LHFPL7: variants seen among roughly 807,000 people sequenced by gnomAD.
LHFPL7 encodes the protein LHFPL tetraspan subfamily member 7.
chr22:24,940,554 CCACTG>C, the LHFPL7 span, among the ~76,000 whole-genome samples: 1 of 151,498 alleles, frequency 6.6e-6, no homozygotes, highest in South Asian at 2.1e-4. Flanking sequence ...CGAGATCGCA[CCACTG>C]CACTCCAGCC....
chr22:24,941,979 T>TTTTATTTATTTATTTATTTATTTA, the LHFPL7 span, among the ~76,000 whole-genome samples: 11 of 145,974 alleles, frequency 7.5e-5, no homozygotes, highest in African/African-American at 2.3e-4. Context: ...TTCAAATGTA[T>TTTTATTTATTTATTTATTTATTTA]TTTATTTATT....
the LHFPL7 span, chr22:24,935,122 A>G: frequency 1.7e-6 from 1 of 605,260 alleles, no homozygotes; most frequent in East Asian, 3.0e-5. Flanking sequence ...CTTTATTTAC[A>G]CAGAGCATCT....
chr22:24,938,579 G>A, the LHFPL7 span, among the ~76,000 whole-genome samples: 1 of 152,204 alleles, frequency 6.6e-6, no homozygotes, highest in Non-Finnish European at 1.5e-5. Flanking sequence ...GTAATTAAGT[G>A]GTAGAGCCAG....
At chr22:24,940,812 G>A in the LHFPL7 span, among the ~76,000 whole-genome samples, 1 of 142,058 alleles carries the variant, frequency 7.0e-6, no homozygotes, top group African/African-American at 2.5e-5. Flanking sequence ...AGAGAAAAAA[G>A]GTTGGAGTGC....
the LHFPL7 span, among the ~76,000 whole-genome samples, chr22:24,939,091 G>C: frequency 3.9e-5 from 6 of 152,362 alleles, no homozygotes; most frequent in East Asian, 9.6e-4. Context: ...CGCCTACAGA[G>C]ACAGGGGCTC....
At chr22:24,943,809 A>G in the LHFPL7 span, among the ~76,000 whole-genome samples, 1 of 152,194 alleles carries the variant, frequency 6.6e-6, no homozygotes, top group Non-Finnish European at 1.5e-5. Flanking sequence ...GGATGATTCC[A>G]GAGAAGCCAT....
chr22:24,942,892 AGTGTG>A, the LHFPL7 span, among the ~76,000 whole-genome samples: 1 of 128,052 alleles, frequency 7.8e-6, no homozygotes, highest in Admixed American at 8.0e-5. Flanking sequence ...AAGGGGATAA[AGTGTG>A]TGTGTGTGTG....
chr22:24,936,708 G>A, the LHFPL7 span, among the ~76,000 whole-genome samples: 1 of 152,210 alleles, frequency 6.6e-6, no homozygotes, highest in East Asian at 1.9e-4. Flanking sequence ...CCCATTACCA[G>A]AAATGCCCTT....
the LHFPL7 span, chr22:24,938,070 C>CTCCATTCAT: frequency 1.3e-4 from 194 of 1,498,682 alleles, 1 homozygote; most frequent in African/African-American, 2.5e-3. Flanking sequence ...TGCTCACAGA[C>CTCCATTCAT]TCATTCATTC....
At chr22:24,942,057 A>G in the LHFPL7 span, among the ~76,000 whole-genome samples, 10,308 of 151,896 alleles carry the variant, frequency 0.068, 920 homozygotes, top group African/African-American at 0.2. Flanking sequence ...GTGCAGTGGC[A>G]CGATCTCCAT....
the LHFPL7 span, among the ~76,000 whole-genome samples, chr22:24,942,892 A>AGAGTGT: frequency 3.1e-5 from 4 of 128,052 alleles, no homozygotes; most frequent in African/African-American, 1.2e-4. Flanking sequence ...AAGGGGATAA[A>AGAGTGT]GTGTGTGTGT....
At chr22:24,945,504 G>C in the LHFPL7 span, among the ~76,000 whole-genome samples, 1 of 152,330 alleles carries the variant, frequency 6.6e-6, no homozygotes, top group Non-Finnish European at 1.5e-5. Context: ...CCTGGGGTGT[G>C]AGGGAAGGTG....
the LHFPL7 span, among the ~76,000 whole-genome samples, chr22:24,939,967 G>T: frequency 1.7e-5 from 2 of 115,228 alleles, no homozygotes; most frequent in Non-Finnish European, 3.3e-5. Context: ...TTGCTCTGTC[G>T]CCCAGGCTGG....
the LHFPL7 span, among the ~76,000 whole-genome samples, chr22:24,941,456 A>G: frequency 6.6e-6 from 1 of 152,096 alleles, no homozygotes; most frequent in Non-Finnish European, 1.5e-5. Flanking sequence ...GGTTCCCTTG[A>G]AGCAGATCCC....
chr22:24,938,403 C>T, the LHFPL7 span: 1 of 1,565,444 alleles, frequency 6.4e-7, no homozygotes, highest in Non-Finnish European at 8.6e-7. Context: ...TTGGCTGGGA[C>T]AGGGGCAGGT....
the LHFPL7 span, among the ~76,000 whole-genome samples, chr22:24,938,796 T>C: frequency 6.6e-6 from 1 of 152,214 alleles, no homozygotes; most frequent in African/African-American, 2.4e-5. Flanking sequence ...ATGTGCATCA[T>C]AGCTGGGACT....
chr22:24,938,172 A>G, the LHFPL7 span: 1 of 1,614,180 alleles, frequency 6.2e-7, no homozygotes, highest in Non-Finnish European at 8.5e-7. Context: ...CACCCCTGGC[A>G]TTGGAACACT....
the LHFPL7 span, chr22:24,935,745 T>C: frequency 1.8e-6 from 2 of 1,086,892 alleles, no homozygotes; most frequent in Non-Finnish European, 1.3e-6. Flanking sequence ...TCTCTCCTTT[T>C]GTCTACCCAC....
the LHFPL7 span, chr22:24,939,247 T>G: frequency 5.8e-6 from 4 of 695,018 alleles, no homozygotes; most frequent in Non-Finnish European, 1.0e-5. Flanking sequence ...GAGGAAAGCC[T>G]CCTCGAATTC....
Sources: allele counts gnomAD v4.1 joint callset (sites outside exome capture counted in the v4.1 genomes callset), GRCh38; gene constraint gnomAD v4.1.1; transcripts MANE v1.5; gene names NCBI Gene and HGNC (gene_info 2026-07-23, HGNC 2026-07-21).